Variants in EDN3 observed in about 807,000 individuals in gnomAD.
EDN3 encodes the protein endothelin 3, also known as endothelin-3.
A neutral mutation model predicts 21.4 loss-of-function variants in EDN3; 9 were observed. That is an observed-to-expected ratio of 0.42 (90% CI 0.25 to 0.73). EDN3 has a LOEUF of 0.73. EDN3 is among the 30% of genes least tolerant of loss of function. EDN3 has a pLI of 0.26. For synonymous variants in EDN3, 133 were observed against 126.2 expected (o/e 1.05, Z -0.36); for missense variants, 327 against 309.4 (o/e 1.06, Z -0.43).
chr20:59,321,785 T>C (rs1024033196), intron 3 of EDN3, among the ~76,000 whole-genome samples: 1 of 152,218 alleles, frequency 6.6e-6, no homozygotes, highest in Non-Finnish European at 1.5e-5. Flanking sequence ...TTTGAGACCC[T>C]GTGGTCTGTC....
intron 2 of EDN3, among the ~76,000 whole-genome samples, chr20:59,318,878 G>A (rs1264929636): frequency 3.3e-5 from 5 of 152,182 alleles, no homozygotes; most frequent in Non-Finnish European, 7.4e-5. Flanking sequence ...ATGGAGAAAT[G>A]GGAGCGTTGT....
chr20:59,321,403 C>A (rs1426808285), intron 3 of EDN3, among the ~76,000 whole-genome samples: 1 of 152,206 alleles, frequency 6.6e-6, no homozygotes, highest in Non-Finnish European at 1.5e-5. Context: ...TCCCCACCCC[C>A]TTGCTGCCTT....
At chr20:59,302,785 C>G (rs1172670018) in intron 2 of EDN3, among the ~76,000 whole-genome samples, 2 of 152,138 alleles carry the variant, frequency 1.3e-5, no homozygotes, top group Non-Finnish European at 2.9e-5. Context: ...CCTTTGCCAC[C>G]GTGTCCCGGA....
chr20:59,318,287 G>A (rs1346330283), intron 2 of EDN3, among the ~76,000 whole-genome samples: 1 of 152,228 alleles, frequency 6.6e-6, no homozygotes, highest in Admixed American at 6.5e-5. Context: ...GCGCAGGATA[G>A]CAGAGAAGGT....
chr20:59,319,726 C>CAA (rs528500611), intron 2 of EDN3, among the ~76,000 whole-genome samples: 149 of 52,238 alleles, frequency 2.9e-3, no homozygotes, highest in Middle Eastern at 0.01. Context: ...GACTCTGTCT[C>CAA]AAAAAAAAAA....
At chr20:59,307,407 G>C (rs923999160) in intron 2 of EDN3, among the ~76,000 whole-genome samples, 1 of 152,190 alleles carries the variant, frequency 6.6e-6, no homozygotes, top group East Asian at 1.9e-4. Flanking sequence ...CCCAGGAGGC[G>C]GAGTCAGTTG....
At chr20:59,304,849 T>C (rs529162608) in intron 2 of EDN3, among the ~76,000 whole-genome samples, 8 of 152,182 alleles carry the variant, frequency 5.3e-5, no homozygotes, top group Non-Finnish European at 1.2e-4. Flanking sequence ...CCGAGCTTGG[T>C]CGGCCCTTTC....
At chr20:59,323,612 G>A (rs1016950913) in intron 4 of EDN3, 4 of 399,528 alleles carry the variant, frequency 1.0e-5, no homozygotes, top group South Asian at 1.3e-4. Context: ...GGTAGGAAGC[G>A]TGGGGTGGTT....
At chr20:59,318,507 C>T (rs1315129179) in intron 2 of EDN3, among the ~76,000 whole-genome samples, 1 of 152,246 alleles carries the variant, frequency 6.6e-6, no homozygotes, top group Non-Finnish European at 1.5e-5. Context: ...TCATTCCAGA[C>T]TCTACAATGT....
chr20:59,317,623 TC>T (rs1477877188), intron 2 of EDN3, among the ~76,000 whole-genome samples: 2 of 152,206 alleles, frequency 1.3e-5, no homozygotes, highest in East Asian at 3.9e-4. Flanking sequence ...GTTTTCGTAG[TC>T]CAACAGCATA....
At chr20:59,301,829 G>A in intron 2 of EDN3, 107 bp downstream of exon 2, 4 of 1,288,148 alleles carry the variant, frequency 3.1e-6, no homozygotes, top group Non-Finnish European at 4.5e-6. Context: ...TTAGCCCAGA[G>A]CCTGCCCTGG....
In EDN3 at chr20:59,325,231, C is replaced by A. The variant is rs1026360439; in HGVS notation, c.*772C>A. 6.6e-6 allele frequency: 1 copy of A among 152,434 alleles called. No individual in the cohort carries two copies. Among genetic ancestry groups the A allele is most frequent in the Non-Finnish European group, 1.5e-5 (1 of 68,074 alleles). The allele number at this position is 152,434 out of a possible 1,614,324, so 9.4% of individuals were successfully genotyped here. A position where few individuals can be genotyped will look rare whatever the true frequency, so the allele number is the denominator to read the frequency against. ...GCAGGAAGCCGACTGTAAAGACAGC[C>A]CCAGCTCAAGGCTATTAGGTTGAAT... On this transcript the variant is annotated 3_prime_UTR_variant, in exon 5 of 5. Coordinates refer to ENST00000337938, the MANE Select transcript of EDN3 (RefSeq NM_207034.3).
Position 59,300,850 on chromosome 20 carries a change from T to C in EDN3, c.38T>C (p.Val13Ala). Reference protein sequence around the residue: ...PGLWLLFGLTVTSAAGFVPCS... With the variant: ...PGLWLLFGLTATSAAGFVPCS... ...CTGTGGCTCCTTTTCGGGCTCACAGTGACCTCCGCCGCAGGTAAGCGCACG... is the reference window on the plus strand; with the variant it reads ...CTGTGGCTCCTTTTCGGGCTCACAGCGACCTCCGCCGCAGGTAAGCGCACG... The change falls in exon 1 of 5, where the codon GTG (valine) becomes GCG (alanine). Residue 13 changes from valine to alanine, a missense_variant. Physicochemically the swap from Val to Ala is moderately conservative, Grantham distance 64 (BLOSUM62 0). Coordinates refer to ENST00000337938, the MANE Select transcript of EDN3 (RefSeq NM_207034.3). 6.2e-7 allele frequency: 1 copy of C among 1,611,364 alleles called. No individual in the cohort carries two copies. Among genetic ancestry groups the C allele is most frequent in the East Asian group, 2.2e-5 (1 of 44,854 alleles).
At chr20:59,324,107 C>G (rs1990702575) in intron 4 of EDN3, among the ~76,000 whole-genome samples, 1 of 152,336 alleles carries the variant, frequency 6.6e-6, no homozygotes, top group African/African-American at 2.4e-5. Context: ...GGGCCCCTAG[C>G]AGCCTTGTCT....
chr20:59,301,006 G>T (rs937003723), intron 1 of EDN3, 142 bp downstream of exon 1: 7 of 1,005,944 alleles, frequency 7.0e-6, no homozygotes, highest in Non-Finnish European at 8.6e-6. Flanking sequence ...ACGCCTGGGG[G>T]AGGGCTGGGG....
At chr20:59,323,362 C>T (rs1016853705) in intron 4 of EDN3, among the ~76,000 whole-genome samples, 12 of 152,284 alleles carry the variant, frequency 7.9e-5, no homozygotes, top group East Asian at 1.9e-4. Context: ...CTCCTCTCAG[C>T]GAGGGCGGGA....
intron 2 of EDN3, among the ~76,000 whole-genome samples, chr20:59,314,248 C>T (rs1007874388): frequency 6.6e-6 from 1 of 152,148 alleles, no homozygotes; most frequent in Non-Finnish European, 1.5e-5. Flanking sequence ...TGTGTGTTGT[C>T]GCAGTGAAGA....
In EDN3 at chr20:59,322,255, C is replaced by A; in HGVS notation, c.543-117C>A. 1.7e-6 allele frequency: 2 copies of A among 1,166,576 alleles called. No individual in the cohort carries two copies. The highest frequency in any genetic ancestry group is 2.6e-6 in the Non-Finnish European group (2 of 781,818). The allele number at this position is 1,166,576 out of a possible 1,614,324, so 72.3% of individuals were successfully genotyped here. On this transcript the variant is annotated intron_variant, in intron 3 of 4. Coordinates refer to ENST00000337938, the MANE Select transcript of EDN3 (RefSeq NM_207034.3). The surrounding 1 kb of genome is among the most constrained non-coding windows in gnomAD (Gnocchi z 4.1). ...CAGAAACTGTGCCTGAGACGCAGTC[C>A]TTGGGGAACGCACTAATGTGCTCAT...
chr20:59,312,402 C>G (rs1209925017), intron 2 of EDN3, among the ~76,000 whole-genome samples: 1 of 152,056 alleles, frequency 6.6e-6, no homozygotes, highest in African/African-American at 2.4e-5. Context: ...AATCCTGCAC[C>G]ACATAACAAA....
Sources: allele counts gnomAD v4.1 joint callset (sites outside exome capture counted in the v4.1 genomes callset), GRCh38; gene constraint gnomAD v4.1.1; non-coding constraint Gnocchi (gnomAD v3.1); transcripts MANE v1.5; gene names NCBI Gene and HGNC (gene_info 2026-07-23, HGNC 2026-07-21).